KHDRBS2: variants seen among roughly 807,000 people sequenced by gnomAD.
The protein encoded by KHDRBS2 is KH domain-containing, RNA-binding, signal transduction-associated protein 2.
A neutral mutation model predicts 44.3 loss-of-function variants in KHDRBS2; 26 were observed. That is an observed-to-expected ratio of 0.59 (90% CI 0.43 to 0.81). The LOEUF (loss-of-function observed/expected upper bound fraction) is 0.81. Among genes scored for constraint, KHDRBS2 ranks in the 40% least tolerant of loss-of-function variants. The probability of loss-of-function intolerance (pLI) is 0.00; values close to 1 mark genes in which losing one functional copy is unlikely to be tolerated. For missense variants in KHDRBS2, 476 were observed against 433.1 expected (o/e 1.10, Z -0.88); for synonymous variants, 194 against 151.1 (o/e 1.28, Z -2.08).
At chr6:62,266,503 A>T (rs1839226029) in intron 1 of KHDRBS2, among the ~76,000 whole-genome samples, 1 of 152,054 alleles carries the variant, frequency 6.6e-6, no homozygotes, top group Middle Eastern at 3.2e-3. Context: ...ATTAAGCACC[A>T]GTTACCAATA....
chr6:61,953,684 T>C (rs1184170097), intron 4 of KHDRBS2, among the ~76,000 whole-genome samples: 1 of 151,838 alleles, frequency 6.6e-6, no homozygotes, highest in African/African-American at 2.4e-5. Context: ...TGCGGGAAAA[T>C]AAAAAGCACA....
chr6:62,016,927 GA>G (rs1218550456), intron 3 of KHDRBS2, among the ~76,000 whole-genome samples: 1 of 151,982 alleles, frequency 6.6e-6, no homozygotes, highest in Admixed American at 6.6e-5. Flanking sequence ...CCATTTAAAA[GA>G]ATGCAATACA....
chr6:61,909,519 T>G (rs1326503808), intron 4 of KHDRBS2, among the ~76,000 whole-genome samples: 3 of 152,232 alleles, frequency 2.0e-5, no homozygotes, highest in African/African-American at 7.2e-5. Context: ...ATGTTCCTTT[T>G]GTCCAAGGTA....
chr6:61,737,429 A>ATATG (rs1346359628), intron 6 of KHDRBS2, among the ~76,000 whole-genome samples: 2 of 152,154 alleles, frequency 1.3e-5, no homozygotes, highest in Non-Finnish European at 2.9e-5. Flanking sequence ...TTGTAAATAT[A>ATATG]TATGTATGTA....
intron 2 of KHDRBS2, among the ~76,000 whole-genome samples, chr6:62,075,716 T>C (rs570204840): frequency 6.6e-6 from 1 of 152,050 alleles, no homozygotes; most frequent in South Asian, 2.1e-4. Flanking sequence ...CCAGGCTTTA[T>C]GCCATGAGCA....
chr6:61,564,350 C>A, the KHDRBS2 span, among the ~76,000 whole-genome samples: 1 of 151,884 alleles, frequency 6.6e-6, no homozygotes, highest in Non-Finnish European at 1.5e-5. Flanking sequence ...GGCAGAAATC[C>A]AGAAATAATT....
At chr6:62,024,590 A>G (rs1014807656) in intron 3 of KHDRBS2, among the ~76,000 whole-genome samples, 2 of 151,600 alleles carry the variant, frequency 1.3e-5, no homozygotes, top group African/African-American at 4.8e-5. Flanking sequence ...AAATAATTTT[A>G]TTGACTTATC....
the KHDRBS2 span, among the ~76,000 whole-genome samples, chr6:61,573,803 A>G: frequency 1.3e-5 from 2 of 150,846 alleles, no homozygotes; most frequent in Non-Finnish European, 3.0e-5. Context: ...AAAAAAAAAA[A>G]AAAGTAAAAG....
At chr6:62,002,130 A>G (rs559710569) in intron 3 of KHDRBS2, among the ~76,000 whole-genome samples, 75 of 152,118 alleles carry the variant, frequency 4.9e-4, no homozygotes, top group African/African-American at 1.8e-3. Flanking sequence ...GAAACCATTC[A>G]ATTTTGACAT....
intron 6 of KHDRBS2, among the ~76,000 whole-genome samples, chr6:61,801,883 G>C (rs558355312): frequency 6.6e-6 from 1 of 152,108 alleles, no homozygotes; most frequent in Non-Finnish European, 1.5e-5. Flanking sequence ...ATGTAATTAA[G>C]ACCTCAATTC....
intron 3 of KHDRBS2, among the ~76,000 whole-genome samples, chr6:62,036,377 A>G (rs2127296135): frequency 6.6e-6 from 1 of 152,122 alleles, no homozygotes; most frequent in African/African-American, 2.4e-5. Flanking sequence ...AAAAATAGAT[A>G]CAGGGCCTAT....
At chr6:61,796,001 G>C (rs1014577274) in intron 6 of KHDRBS2, among the ~76,000 whole-genome samples, 2 of 152,114 alleles carry the variant, frequency 1.3e-5, no homozygotes, top group African/African-American at 4.8e-5. Context: ...CAGAATGGGT[G>C]TGAGTCTCAG....
intron 6 of KHDRBS2, among the ~76,000 whole-genome samples, chr6:61,777,595 C>A (rs1322081): frequency 0.38 from 57,380 of 151,956 alleles, 12,022 homozygotes; most frequent in African/African-American, 0.57. Flanking sequence ...TCAAGTGACA[C>A]AACAATGGAA....
At chr6:61,766,529 T>C (rs2127574515) in intron 6 of KHDRBS2, among the ~76,000 whole-genome samples, 1 of 152,246 alleles carries the variant, frequency 6.6e-6, no homozygotes, top group Non-Finnish European at 1.5e-5. Flanking sequence ...CTTACTTTTT[T>C]AGTTCTTTAA....
chr6:62,156,509 T>C (rs1816415978), intron 2 of KHDRBS2, among the ~76,000 whole-genome samples: 2 of 152,202 alleles, frequency 1.3e-5, no homozygotes, highest in Admixed American at 6.5e-5. Flanking sequence ...TAAAAACTTT[T>C]AAGACTGTAC....
At chr6:62,085,559 T>G (rs1261746004) in intron 2 of KHDRBS2, among the ~76,000 whole-genome samples, 1 of 152,048 alleles carries the variant, frequency 6.6e-6, no homozygotes, top group Non-Finnish European at 1.5e-5. Flanking sequence ...TCTCTAGAAG[T>G]CAAGAGTTTA....
rs950174043 is a variant in KHDRBS2 at position 61,752,059 on chromosome 6, C to T, written c.811-19295G>A. 3.9e-5 allele frequency among the ~76,000 whole-genome samples: 6 copies of T among 152,026 alleles called. No homozygotes were observed. The East Asian group carries it at 5.8e-4, about 15-fold the overall frequency. On this transcript the variant is annotated intron_variant, in intron 6 of 8. Transcript: ENST00000281156. ...AATCATCTCTTTAAAGGCCCTGTCT[C>T]GAAAACAGTAACATTCTGAGGTACC...
intron 4 of KHDRBS2, among the ~76,000 whole-genome samples, chr6:61,970,134 G>A (rs1178144084): frequency 6.6e-6 from 1 of 151,896 alleles, no homozygotes; most frequent in African/African-American, 2.4e-5. Flanking sequence ...CTCTATATAT[G>A]TGTGTATCTA....
intron 2 of KHDRBS2, among the ~76,000 whole-genome samples, chr6:62,132,972 A>G (rs868502026): frequency 6.6e-6 from 1 of 152,250 alleles, no homozygotes; most frequent in African/African-American, 2.4e-5. Context: ...AAAGGGCCAC[A>G]TAGTAAAGTA....
Sources: gnomAD v4.1 joint callset for allele counts (sites outside exome capture counted in the v4.1 genomes callset) on GRCh38, gnomAD v4.1.1 for gene constraint, MANE v1.5 for transcripts, NCBI Gene and HGNC (gene_info 2026-07-23, HGNC 2026-07-21) for gene names.